Variants in SEMA4D observed in about 807,000 individuals in gnomAD.
The protein encoded by SEMA4D is semaphorin-4D.
A neutral mutation model predicts 74.8 loss-of-function variants in SEMA4D; 22 were observed. The observed-to-expected ratio is 0.29, with a 90% CI of 0.21 to 0.42. The LOEUF is 0.42. Ranked by LOEUF, SEMA4D falls within the 10% of genes least tolerant of loss-of-function variation. SEMA4D has a pLI of 1.00. For missense variants in SEMA4D, 937 were observed against 1,118.4 expected, an observed-to-expected ratio of 0.84 and a Z score of 2.31; for synonymous variants, 445 against 463.7, an observed-to-expected ratio of 0.96 and a Z score of 0.52.
chr9:89,450,609 G>A, intron 2 of SEMA4D: 5 of 774,144 alleles, frequency 6.5e-6, no homozygotes, highest in Non-Finnish European at 1.1e-5. Context: ...GAAGGTCCAG[G>A]ATGCAGAGCT....
intron 1 of SEMA4D, among the ~76,000 whole-genome samples, chr9:89,467,028 A>G (rs1364852956): frequency 6.6e-6 from 1 of 152,236 alleles, no homozygotes; most frequent in Admixed American, 6.5e-5. Flanking sequence ...TGAATTATTC[A>G]TCTGCAGCAT....
chr9:89,429,409 C>T lies in SEMA4D; in HGVS notation c.-243-23710G>A, dbSNP rs559787332. Reference sequence around the variant, plus strand: ...TCACCCAGCAACACTGTCACCATCCCTCTTTTGCAGCTAAGAAAGCAAGGC... The same window carrying T: ...TCACCCAGCAACACTGTCACCATCCTTCTTTTGCAGCTAAGAAAGCAAGGC... On this transcript the variant is annotated intron_variant, in intron 2 of 15. Transcript: ENST00000422704. 4.6e-5 allele frequency among the ~76,000 whole-genome samples: 7 copies of T among 152,322 alleles called. No individual in the cohort carries two copies. In the South Asian group the frequency reaches 1.2e-3, roughly 27 times the overall value.
intron 1 of SEMA4D, among the ~76,000 whole-genome samples, chr9:89,463,531 CGCT>C (rs1234585782): frequency 6.6e-6 from 1 of 152,144 alleles, no homozygotes. Flanking sequence ...AGCCCTTTTT[CGCT>C]GCTGCTTTTT....
intron 2 of SEMA4D, among the ~76,000 whole-genome samples, chr9:89,435,205 A>G (rs974197675): frequency 1.3e-5 from 2 of 152,182 alleles, no homozygotes; most frequent in African/African-American, 4.8e-5. Context: ...TCATAAGGTA[A>G]TATTAATTTT....
chr9:89,377,306 C>A lies in SEMA4D; in HGVS notation c.*1398G>T. On this transcript the variant is annotated 3_prime_UTR_variant, in exon 16 of 16. Coordinates refer to ENST00000422704, the MANE Select transcript of SEMA4D (RefSeq NM_001371194.2). ...ACAATTCAAAGTAGAAAAATAAAAA[C>A]AAGGTAAATCTTATAAAACACAAAT... is the stretch of plus-strand genomic sequence containing the variant. The A allele has an allele frequency of 4.4e-6, 2 of 449,730 alleles. No homozygotes were observed. The highest frequency in any genetic ancestry group is 3.7e-6 in the Non-Finnish European group (1 of 270,484). 27.9% of individuals were successfully genotyped at this position (449,730 alleles called of 1,614,324 possible).
chr9:89,467,531 A>ATTT (rs35017295), intron 1 of SEMA4D, among the ~76,000 whole-genome samples: 2 of 128,370 alleles, frequency 1.6e-5, no homozygotes, highest in East Asian at 2.4e-4. Flanking sequence ...GGAGCGCATG[A>ATTT]TTTTTTTTTT....
In SEMA4D at chr9:89,377,320, T is replaced by A. The variant is rs1347979315; in HGVS notation, c.*1384A>T. The A allele has an allele frequency of 2.5e-6, 1 of 401,376 alleles. No individual in the cohort carries two copies. The highest frequency in any genetic ancestry group is 2.0e-5 in the African/African-American group (1 of 48,964). The allele number at this position is 401,376 out of a possible 1,614,324, so 24.9% of individuals were successfully genotyped here. ...AAAAATAAAAACAAGGTAAATCTTA[T>A]AAAACACAAATGTTTACACCAAAAT... is the stretch of plus-strand genomic sequence containing the variant. On this transcript the variant is annotated 3_prime_UTR_variant, in exon 16 of 16. Coordinates refer to ENST00000422704, the MANE Select transcript of SEMA4D (RefSeq NM_001371194.2).
chr9:89,378,402 TC>T lies in SEMA4D; in HGVS notation c.*301del, dbSNP rs1836205439. The T allele has an allele frequency of 3.3e-6, 1 of 307,050 alleles. No individual in the cohort carries two copies. Among genetic ancestry groups the T allele is most frequent in the African/African-American group, 2.1e-5 (1 of 46,886 alleles). 19.0% of individuals were successfully genotyped at this position (307,050 alleles called of 1,614,324 possible). A position where few individuals can be genotyped will look rare whatever the true frequency, so the allele number is the denominator to read the frequency against. On this transcript the variant is annotated 3_prime_UTR_variant, in exon 16 of 16. Transcript: ENST00000422704. ...CAGCCAACAGAGGTCCAGCCACCTT[TC>T]CCCCACTACAGAAAGGGCTCAGGAA...
chr9:89,491,899 G>A (rs574970341), intron 1 of SEMA4D, among the ~76,000 whole-genome samples: 2 of 152,080 alleles, frequency 1.3e-5, no homozygotes, highest in Non-Finnish European at 2.9e-5. Flanking sequence ...AGCACACACC[G>A]AGAGTCAACA....
At position 89,387,400 on chromosome 9, in the gene SEMA4D, A is replaced by G. The variant is rs1474150745; in HGVS notation, c.1316T>C (p.Met439Thr). Residue 439 changes from methionine (M) to threonine (T), a missense_variant, in exon 12 of 16, where the codon ATG becomes ACG. Coordinates refer to ENST00000422704, the MANE Select transcript of SEMA4D (RefSeq NM_001371194.2). ...QALDGTVYDV[M>T]FVSTDRGALH... ...TCGGAACCCACCTGTGCTGACAAACATGACATCATAGACAGTCCCATCCAG... is the reference window on the plus strand; with the variant it reads ...TCGGAACCCACCTGTGCTGACAAACGTGACATCATAGACAGTCCCATCCAG... 3.7e-6 allele frequency: 6 copies of G among 1,610,308 alleles called. No homozygotes were observed. Among genetic ancestry groups the G allele is most frequent in the Admixed American group, 1.7e-5 (1 of 59,982 alleles).
intron 13 of SEMA4D, among the ~76,000 whole-genome samples, chr9:89,383,471 C>T (rs1837660221): frequency 6.6e-6 from 1 of 152,198 alleles, no homozygotes; most frequent in African/African-American, 2.4e-5. Context: ...CACCACAAAA[C>T]ACCAGACTAC....
intron 1 of SEMA4D, among the ~76,000 whole-genome samples, chr9:89,465,318 G>A (rs1858400537): frequency 6.6e-6 from 1 of 152,098 alleles, no homozygotes; most frequent in South Asian, 2.1e-4. Context: ...TCAGCCCAGG[G>A]GTGATGGCTG....
intron 1 of SEMA4D, among the ~76,000 whole-genome samples, chr9:89,496,233 C>T (rs72750942): frequency 0.022 from 3,340 of 152,320 alleles, 67 homozygotes; most frequent in South Asian, 0.075. Flanking sequence ...TCTGGGTGTG[C>T]TTCTCAGGAG....
intron 1 of SEMA4D, among the ~76,000 whole-genome samples, chr9:89,495,015 T>G (rs1825898795): frequency 6.6e-6 from 1 of 152,182 alleles, no homozygotes; most frequent in South Asian, 2.1e-4. Flanking sequence ...ACAGCCTGGA[T>G]CAGGCTTTGA....
intron 2 of SEMA4D, among the ~76,000 whole-genome samples, chr9:89,417,898 G>A (rs978945419): frequency 4.6e-5 from 7 of 152,310 alleles, no homozygotes; most frequent in Non-Finnish European, 8.8e-5. Context: ...TCCCCATGCC[G>A]GGCCCAAGGG....
intron 4 of SEMA4D, 114 bp from the exon 5 acceptor site, chr9:89,399,452 T>G: frequency 1.3e-6 from 1 of 799,664 alleles, no homozygotes; most frequent in East Asian, 2.5e-5. Flanking sequence ...TCTCCTGAGA[T>G]GATCAATTCT....
intron 12 of SEMA4D, chr9:89,386,776 G>A (rs879362277): frequency 2.2e-5 from 7 of 316,748 alleles, no homozygotes; most frequent in Non-Finnish European, 3.6e-5. Flanking sequence ...GAGGCTAAGT[G>A]CCACATGAGG....
At chr9:89,396,908 C>A in intron 5 of SEMA4D, 73 bp from the exon 6 acceptor site, 1 of 1,374,908 alleles carries the variant, frequency 7.3e-7, no homozygotes, top group South Asian at 1.2e-5. Flanking sequence ...CTGCTCACGC[C>A]GTTCATCTCA....
At chr9:89,466,363 C>T (rs567758844) in intron 1 of SEMA4D, among the ~76,000 whole-genome samples, 1 of 152,308 alleles carries the variant, frequency 6.6e-6, no homozygotes, top group South Asian at 2.1e-4. Context: ...CCTCGAACAC[C>T]TCTAAGAATC....
Sources: allele counts gnomAD v4.1 joint callset (sites outside exome capture counted in the v4.1 genomes callset), GRCh38; gene constraint gnomAD v4.1.1; transcripts MANE v1.5; gene names NCBI Gene and HGNC (gene_info 2026-07-23, HGNC 2026-07-21).